The following SHISAL1 variants were observed in gnomAD, a reference collection of about 807,000 sequenced individuals.
SHISAL1 encodes the protein shisa like 1, also known as protein shisa-like-1.
A neutral mutation model predicts 22.6 loss-of-function variants in SHISAL1; 9 were observed. The observed-to-expected ratio is 0.40, with a 90% CI of 0.24 to 0.70. SHISAL1 has a LOEUF of 0.70. SHISAL1 is among the 30% of genes least tolerant of loss of function. SHISAL1 has a pLI of 0.39. For synonymous variants in SHISAL1, 119 were observed against 115.4 expected (o/e 1.03, Z -0.20); for missense variants, 246 against 270.6 (o/e 0.91, Z 0.64).
chr22:44,316,803 G>A (rs569761682), upstream of SHISAL1, among the ~76,000 whole-genome samples: 3 of 152,224 alleles, frequency 2.0e-5, no homozygotes, highest in Non-Finnish European at 4.4e-5. Flanking sequence ...TGGAGCATGT[G>A]GCAGGTTCTC....
At chr22:44,324,717 C>T in the SHISAL1 span, among the ~76,000 whole-genome samples, 15 of 152,340 alleles carry the variant, frequency 9.8e-5, no homozygotes, top group African/African-American at 3.6e-4. Context: ...CCCAGCATAG[C>T]CTCGGGAATT....
rs1162658507 is a variant in SHISAL1, at chr22:44,249,002, G to A, written c.*683C>T. 2 of 152,064 alleles carry A rather than the reference G, an allele frequency of 1.3e-5. No individual in the cohort carries two copies. Among genetic ancestry groups the A allele is most frequent in the Non-Finnish European group, 2.9e-5 (2 of 68,038 alleles). 9.4% of individuals were successfully genotyped at this position (152,064 alleles called of 1,614,324 possible). On this transcript the variant is annotated 3_prime_UTR_variant, in exon 5 of 5. Coordinates refer to ENST00000381176, the MANE Select transcript of SHISAL1 (RefSeq NM_001099294.2). ...TTAGTATTACTATTGTTACAGGAAC[G>A]AATTCTGTAAGAAACAACCCTGACT...
At chr22:44,273,563 T>C (rs1208673460) in intron 4 of SHISAL1, among the ~76,000 whole-genome samples, 3 of 152,362 alleles carry the variant, frequency 2.0e-5, no homozygotes, top group South Asian at 4.1e-4. Flanking sequence ...TAAACTCTCT[T>C]GAGCCAGTGT....
At chr22:44,295,532 A>C (rs796912355) in intron 3 of SHISAL1, among the ~76,000 whole-genome samples, 3 of 152,178 alleles carry the variant, frequency 2.0e-5, no homozygotes, top group African/African-American at 7.2e-5. Context: ...AAAAAAAATG[A>C]TAAAATGTGA....
Position 44,282,370 on chromosome 22 carries a change from C to T in SHISAL1, c.599+3058G>A, listed in dbSNP as rs60144094. Among the ~76,000 whole-genome samples, 721 of 152,370 alleles carry T rather than the reference C, an allele frequency of 4.7e-3. 4 individuals carry two copies. The highest frequency in any genetic ancestry group is 0.016 in the African/African-American group (684 of 41,588). ...TGCCCCTTGCCTCCACCTCCCCTGG[C>T]ATCACCTGACTGCCCTGTCCTGGCA... is the stretch of plus-strand genomic sequence containing the variant. On this transcript the variant is annotated intron_variant, in intron 4 of 4. Transcript: ENST00000381176.
intron 4 of SHISAL1, among the ~76,000 whole-genome samples, chr22:44,275,572 G>A (rs752492392): frequency 9.2e-5 from 14 of 151,756 alleles, no homozygotes; most frequent in Non-Finnish European, 1.9e-4. Flanking sequence ...CTATGCAGCC[G>A]GCATGGGGTG....
Position 44,249,790 on chromosome 22 carries a change from G to GGGTTTTGTC in SHISAL1, c.*-114_*-106dup. On this transcript the variant is annotated intron_variant, in intron 4 of 4. Transcript: ENST00000381176. ...GAAGCCAGGTTTTCTCTGAGCATGT[G>GGGTTTTGTC]GGTTTTGTCTTCTGAACATTGCGAA... 3 of 745,754 alleles carry GGGTTTTGTC rather than the reference G, an allele frequency of 4.0e-6. No individual in the cohort carries two copies. The South Asian group carries it at 4.3e-5, about 11-fold the overall frequency. The allele number at this position is 745,754 out of a possible 1,614,324, so 46.2% of individuals were successfully genotyped here.
intron 1 of SHISAL1, among the ~76,000 whole-genome samples, chr22:44,302,264 T>C (rs1304163627): frequency 2.1e-5 from 3 of 141,018 alleles, no homozygotes; most frequent in Admixed American, 1.5e-4. Context: ...AGCTTGAACC[T>C]GGGAGGTGGA....
At position 44,300,992 on chromosome 22, in the gene SHISAL1, CCA is replaced by C. The variant is rs2055424849; in HGVS notation, c.-32-17_-32-16del. 2 of 1,568,414 alleles carry C rather than the reference CCA, an allele frequency of 1.3e-6. No individual in the cohort carries two copies. The highest frequency in any genetic ancestry group is 2.7e-5 in the African/African-American group (2 of 74,088). On this transcript the variant is annotated splice_polypyrimidine_tract_variant and intron_variant, in intron 1 of 4. Transcript: ENST00000381176. Reference sequence around the variant, plus strand: ...TCCAGAGCTGCCTGTTCAATGAGAGCCACGAGAGGCTGGGTGTGGGCTGTCTC... The same window carrying C: ...TCCAGAGCTGCCTGTTCAATGAGAGCCGAGAGGCTGGGTGTGGGCTGTCTC...
intron 4 of SHISAL1, among the ~76,000 whole-genome samples, chr22:44,254,339 C>T: frequency 6.6e-6 from 1 of 151,998 alleles, no homozygotes; most frequent in African/African-American, 2.4e-5. Flanking sequence ...TAAATAACTC[C>T]ATGTTCTTTT....
At chr22:44,286,523 C>A (rs1462961279) in intron 3 of SHISAL1, among the ~76,000 whole-genome samples, 1 of 152,214 alleles carries the variant, frequency 6.6e-6, no homozygotes, top group Non-Finnish European at 1.5e-5. Flanking sequence ...CCGGCCTTTG[C>A]ACAGGCCGTG....
At chr22:44,284,796 G>A (rs1399281740) in intron 4 of SHISAL1, among the ~76,000 whole-genome samples, 1 of 152,088 alleles carries the variant, frequency 6.6e-6, no homozygotes, top group Non-Finnish European at 1.5e-5. Flanking sequence ...CTGGAACTGG[G>A]CGGAAATGGG....
At chr22:44,290,106 A>G (rs1276741952) in intron 3 of SHISAL1, among the ~76,000 whole-genome samples, 2 of 152,218 alleles carry the variant, frequency 1.3e-5, no homozygotes, top group Non-Finnish European at 2.9e-5. Context: ...GGAAGTCCCC[A>G]TCACCACCCC....
chr22:44,328,545 T>A, the SHISAL1 span, among the ~76,000 whole-genome samples: 1 of 152,276 alleles, frequency 6.6e-6, no homozygotes, highest in East Asian at 1.9e-4. Context: ...AGACCTGCTG[T>A]CTACATGCCA....
intron 3 of SHISAL1, among the ~76,000 whole-genome samples, chr22:44,288,871 C>T (rs909722084): frequency 6.6e-6 from 1 of 152,232 alleles, no homozygotes; most frequent in Admixed American, 6.5e-5. Context: ...CCAGAACACA[C>T]TGTTGTCTTT....
intron 4 of SHISAL1, among the ~76,000 whole-genome samples, chr22:44,255,373 T>G (rs2055077631): frequency 6.6e-6 from 1 of 152,132 alleles, no homozygotes; most frequent in African/African-American, 2.4e-5. Flanking sequence ...AATCCCAACC[T>G]TCCTCCTCCA....
intron 4 of SHISAL1, among the ~76,000 whole-genome samples, chr22:44,279,262 G>A (rs1225852918): frequency 2.6e-5 from 4 of 152,214 alleles, no homozygotes; most frequent in Admixed American, 6.5e-5. Flanking sequence ...GGAGGGGACA[G>A]CCCAGTTTCC....
intron 3 of SHISAL1, among the ~76,000 whole-genome samples, chr22:44,293,675 A>G (rs1229914629): frequency 6.6e-6 from 1 of 152,104 alleles, no homozygotes; most frequent in East Asian, 1.9e-4. Context: ...CAGGCAAGTG[A>G]CTCAACTGCT....
the SHISAL1 span, among the ~76,000 whole-genome samples, chr22:44,326,309 C>T: frequency 1.3e-5 from 2 of 152,150 alleles, no homozygotes; most frequent in African/African-American, 2.4e-5. Flanking sequence ...GCCCATCAGG[C>T]GACAACGAGG....
Sources: allele counts gnomAD v4.1 joint callset (sites outside exome capture counted in the v4.1 genomes callset), GRCh38; gene constraint gnomAD v4.1.1; transcripts MANE v1.5; gene names NCBI Gene and HGNC (gene_info 2026-07-23, HGNC 2026-07-21).